WARS2: variants seen among roughly 807,000 people sequenced by gnomAD.
The protein encoded by WARS2 is tryptophanyl tRNA synthetase 2, mitochondrial.
In WARS2, 28 loss-of-function variants were observed where a neutral mutation model predicts 36.5. That is an observed-to-expected ratio of 0.77 (90% CI 0.57 to 1.05). The LOEUF (loss-of-function observed/expected upper bound fraction) is 1.05, where lower values mean the gene tolerates loss of function less well. WARS2 is among the 50% of genes least tolerant of loss of function. WARS2 has a pLI of 0.00. For missense variants in WARS2, 435 were observed against 456.8 expected (o/e 0.95, Z 0.44); for synonymous variants, 174 against 178.4 (o/e 0.98, Z 0.20).
chr1:119,072,439 AAAAT>A (rs1208666355), intron 2 of WARS2, among the ~76,000 whole-genome samples: 9 of 152,212 alleles, frequency 5.9e-5, no homozygotes, highest in African/African-American at 1.7e-4. Flanking sequence ...TTTTAAGTTC[AAAAT>A]AATTAACTTT....
rs565066649 is a variant in WARS2 at position 119,033,334 on chromosome 1, T to C, written c.660A>G (p.Leu220=). ...TCGACATTTTGGCAGAAGGATCACG[T>C]AGGGATTTTACCTTCTTCATGGATG... ...ILTSMKKVKS[L]RDPSAKMSKS... is the part of the protein sequence containing the mutation. Residue 220 remains leucine, a synonymous_variant, in exon 6 of 6, where the codon CTA becomes CTG. Coordinates refer to ENST00000235521, the MANE Select transcript of WARS2 (RefSeq NM_015836.4). 3.7e-6 allele frequency: 6 copies of C among 1,614,246 alleles called. No individual in the cohort carries two copies. Among genetic ancestry groups the C allele is most frequent in the South Asian group, 1.1e-5 (1 of 91,078 alleles).
chr1:119,123,925 G>A (rs1366826107), intron 1 of WARS2, among the ~76,000 whole-genome samples: 2 of 152,018 alleles, frequency 1.3e-5, no homozygotes, highest in Admixed American at 1.3e-4. Context: ...CCTCTCTCCT[G>A]AGCTTTGGTC....
intron 1 of WARS2, among the ~76,000 whole-genome samples, chr1:119,113,782 C>A (rs1654797201): frequency 6.6e-6 from 1 of 152,108 alleles, no homozygotes; most frequent in South Asian, 2.1e-4. Context: ...ATTTCTTCAA[C>A]TATAATAAGA....
chr1:119,034,016 G>T, intron 5 of WARS2, 79 bp downstream of exon 5: 3 of 1,300,282 alleles, frequency 2.3e-6, no homozygotes, highest in Non-Finnish European at 3.3e-6. Context: ...TTAGTCCCAA[G>T]AAAGTTCCAA....
chr1:119,122,844 A>C (rs1018899299), intron 1 of WARS2, among the ~76,000 whole-genome samples: 1 of 152,172 alleles, frequency 6.6e-6, no homozygotes, highest in Admixed American at 6.5e-5. Flanking sequence ...CGAAGACACA[A>C]TGGCATAAGA....
In WARS2 at chr1:119,050,235, T is replaced by C. The variant is rs562906771; in HGVS notation, c.349-4573A>G. On this transcript the variant is annotated intron_variant, in intron 2 of 5. Transcript: ENST00000235521. Reference sequence around the variant, plus strand: ...ACTGGCTTTTCTCTGATAGGAATTGTCTTCCCTAGATATTCACTGACTAAC... The same window carrying C: ...ACTGGCTTTTCTCTGATAGGAATTGCCTTCCCTAGATATTCACTGACTAAC... Among the ~76,000 whole-genome samples the C allele has an allele frequency of 4.6e-5, 7 of 152,274 alleles. No individual in the cohort carries two copies. In the South Asian group the frequency reaches 1.4e-3, roughly 32 times the overall value.
intron 2 of WARS2, among the ~76,000 whole-genome samples, chr1:119,049,861 C>A (rs1016689135): frequency 2.0e-5 from 3 of 152,188 alleles, no homozygotes; most frequent in Non-Finnish European, 4.4e-5. Context: ...GTGTGAGACA[C>A]CATCAATCCT....
chr1:119,075,760 G>A (rs587673842), intron 2 of WARS2, among the ~76,000 whole-genome samples: 1 of 152,246 alleles, frequency 6.6e-6, no homozygotes, highest in South Asian at 2.1e-4. Context: ...AGAATAAACT[G>A]ATTCATCCAT....
chr1:119,119,780 T>A (rs587761424), intron 1 of WARS2, among the ~76,000 whole-genome samples: 1 of 152,104 alleles, frequency 6.6e-6, no homozygotes, highest in Admixed American at 6.5e-5. Context: ...TACAAATACA[T>A]GCAAATCAAA....
chr1:119,042,145 C>T, intron 4 of WARS2, 119 bp downstream of exon 4: 1 of 798,114 alleles, frequency 1.3e-6, no homozygotes, highest in Non-Finnish European at 2.1e-6. Flanking sequence ...TAAACTGATT[C>T]AGATGTCTGA....
intron 1 of WARS2, among the ~76,000 whole-genome samples, chr1:119,124,485 G>A (rs1354456677): frequency 6.6e-6 from 1 of 151,978 alleles, no homozygotes; most frequent in Non-Finnish European, 1.5e-5. Flanking sequence ...GTGAGGCTCT[G>A]TCTCAAAAAT....
At chr1:119,111,757 C>T (rs1212130638) in intron 1 of WARS2, among the ~76,000 whole-genome samples, 1 of 152,110 alleles carries the variant, frequency 6.6e-6, no homozygotes, top group African/African-American at 2.4e-5. Context: ...TATCCCCGCT[C>T]GGTCACTGGT....
intron 1 of WARS2, among the ~76,000 whole-genome samples, chr1:119,127,678 A>T (rs1163788469): frequency 3.3e-5 from 5 of 152,082 alleles, no homozygotes; most frequent in African/African-American, 1.2e-4. Context: ...TCGATTTCCC[A>T]CACTATTCTC....
chr1:119,034,650 C>G (rs1647718568), intron 4 of WARS2, among the ~76,000 whole-genome samples: 3 of 152,194 alleles, frequency 2.0e-5, no homozygotes, highest in Admixed American at 2.0e-4. Flanking sequence ...AAATCAAAGG[C>G]AGCAGAAAGT....
intron 1 of WARS2, among the ~76,000 whole-genome samples, chr1:119,119,780 T>C (rs587761424): frequency 6.6e-6 from 1 of 151,986 alleles, no homozygotes; most frequent in East Asian, 1.9e-4. Context: ...TACAAATACA[T>C]GCAAATCAAA....
At chr1:119,085,975 C>G in intron 1 of WARS2, 1 of 1,608,348 alleles carries the variant, frequency 6.2e-7, no homozygotes. Flanking sequence ...CCAAACTCAG[C>G]GTTCAGGTAT....
At chr1:119,125,956 T>C (rs1266777996) in intron 1 of WARS2, among the ~76,000 whole-genome samples, 1 of 152,196 alleles carries the variant, frequency 6.6e-6, no homozygotes, top group East Asian at 1.9e-4. Flanking sequence ...ATCATAAATG[T>C]CAATATTCTA....
intron 1 of WARS2, among the ~76,000 whole-genome samples, chr1:119,087,096 T>G (rs868606209): frequency 6.6e-6 from 1 of 152,188 alleles, no homozygotes; most frequent in African/African-American, 2.4e-5. Context: ...TCTCTCTCAC[T>G]CAGAAGAACA....
chr1:119,126,219 C>G (rs1655644729), intron 1 of WARS2, among the ~76,000 whole-genome samples: 1 of 149,320 alleles, frequency 6.7e-6, no homozygotes, highest in Admixed American at 6.7e-5. Context: ...TGGATCAAGG[C>G]TAAAGAACTC....
Sources: gnomAD v4.1 joint callset for allele counts (sites outside exome capture counted in the v4.1 genomes callset) on GRCh38, gnomAD v4.1.1 for gene constraint, MANE v1.5 for transcripts, NCBI Gene and HGNC (gene_info 2026-07-23, HGNC 2026-07-21) for gene names.